Variants in LHFPL2 observed in about 807,000 individuals in gnomAD.
LHFPL2 encodes LHFPL tetraspan subfamily member 2 protein.
In LHFPL2, 7 loss-of-function variants were observed where a neutral mutation model predicts 17.5. The ratio of observed to expected loss-of-function variants is 0.40; its 90% CI spans 0.23 to 0.75. The LOEUF is 0.75. LHFPL2 is among the 30% of genes least tolerant of loss of function. The pLI, the probability that LHFPL2 is intolerant of heterozygous loss-of-function variation, is 0.37. For synonymous variants in LHFPL2, 134 were observed against 116.2 expected (o/e 1.15, Z -0.99); for missense variants, 241 against 294.8 (o/e 0.82, Z 1.34).
intron 2 of LHFPL2, among the ~76,000 whole-genome samples, chr5:78,570,859 T>C: frequency 6.6e-6 from 1 of 152,068 alleles, no homozygotes; most frequent in East Asian, 1.9e-4. Context: ...AGTGAATAAC[T>C]TGGGCTGTAA....
At chr5:78,563,642 A>G (rs1232080814) in intron 3 of LHFPL2, among the ~76,000 whole-genome samples, 2 of 151,212 alleles carry the variant, frequency 1.3e-5, no homozygotes, top group African/African-American at 4.9e-5. Flanking sequence ...TGGAGGTTAC[A>G]GTGAGCTGAG....
At chr5:78,533,356 T>G (rs1755842804) in intron 3 of LHFPL2, among the ~76,000 whole-genome samples, 1 of 152,196 alleles carries the variant, frequency 6.6e-6, no homozygotes. Context: ...GCCAACCATA[T>G]GAACAAAGTG....
intron 3 of LHFPL2, among the ~76,000 whole-genome samples, chr5:78,534,568 C>T (rs956205910): frequency 6.6e-6 from 1 of 152,232 alleles, no homozygotes; most frequent in African/African-American, 2.4e-5. Context: ...TTTCCTGACT[C>T]AAAGCAAAAT....
At chr5:78,639,130 A>G (rs1290944409) in intron 1 of LHFPL2, among the ~76,000 whole-genome samples, 1 of 152,150 alleles carries the variant, frequency 6.6e-6, no homozygotes, top group Non-Finnish European at 1.5e-5. Flanking sequence ...CCACCTGTCC[A>G]CACAGGTGTA....
chr5:78,548,785 C>T (rs1440236663), intron 3 of LHFPL2, among the ~76,000 whole-genome samples: 3 of 152,202 alleles, frequency 2.0e-5, no homozygotes, highest in African/African-American at 7.2e-5. Flanking sequence ...TGCTGTTCCT[C>T]ATGTGCCAAA....
intron 2 of LHFPL2, among the ~76,000 whole-genome samples, chr5:78,629,225 G>C (rs1185535966): frequency 6.6e-6 from 1 of 152,116 alleles, no homozygotes; most frequent in African/African-American, 2.4e-5. Context: ...AACTGAAAGG[G>C]GACATGATAA....
chr5:78,514,670 T>A (rs530949840), intron 3 of LHFPL2, among the ~76,000 whole-genome samples: 84 of 152,238 alleles, frequency 5.5e-4, no homozygotes, highest in Non-Finnish European at 8.2e-4. Flanking sequence ...AAAGTTCACA[T>A]CTACCTGGAA....
rs1422996320 is a variant in LHFPL2 at position 78,510,169 on chromosome 5, C to T, written c.45G>A (p.Leu15=). 1 of 1,610,736 alleles carries T rather than the reference C, an allele frequency of 6.2e-7. No individual in the cohort carries two copies. Among genetic ancestry groups the T allele is most frequent in the African/African-American group, 1.3e-5 (1 of 74,900 alleles). ...CGGCAAAAGCCACCACAATACTCAG[C>T]AAGGTCCAGAGCATCGAGCGACAGG... ...IVTCRSMLWT[L]LSIVVAFAEL... The change falls in exon 4 of 5, where the codon TTG becomes TTA. Residue 15 remains leucine, a synonymous_variant. Transcript: ENST00000380345.
At chr5:78,571,886 T>G (rs1243978193) in intron 2 of LHFPL2, among the ~76,000 whole-genome samples, 1 of 152,240 alleles carries the variant, frequency 6.6e-6, no homozygotes. Context: ...TCCACTAGGA[T>G]GTAAGCTCCC....
intron 2 of LHFPL2, among the ~76,000 whole-genome samples, chr5:78,616,331 G>A (rs1370363149): frequency 1.3e-5 from 2 of 152,056 alleles, no homozygotes; most frequent in Non-Finnish European, 2.9e-5. Context: ...GTTTCACCGT[G>A]TTAGCCAGGA....
intron 3 of LHFPL2, among the ~76,000 whole-genome samples, chr5:78,517,655 G>GACTATC (rs1363848039): frequency 6.6e-6 from 1 of 152,144 alleles, no homozygotes; most frequent in African/African-American, 2.4e-5. Flanking sequence ...CAGATCTCGT[G>GACTATC]AGACTACTGA....
chr5:78,501,889 T>C (rs1754786528), intron 4 of LHFPL2, among the ~76,000 whole-genome samples: 1 of 152,150 alleles, frequency 6.6e-6, no homozygotes, highest in African/African-American at 2.4e-5. Flanking sequence ...AGAGCAGGTA[T>C]CTACATGTTA....
At chr5:78,522,756 T>A (rs778886023) in intron 3 of LHFPL2, among the ~76,000 whole-genome samples, 30 of 152,218 alleles carry the variant, frequency 2.0e-4, no homozygotes, top group Middle Eastern at 3.4e-3. Context: ...AATACACAGA[T>A]ATAATAAAGA....
intron 3 of LHFPL2, among the ~76,000 whole-genome samples, chr5:78,522,281 A>AC (rs1554052830): frequency 6.6e-6 from 1 of 152,030 alleles, no homozygotes; most frequent in Non-Finnish European, 1.5e-5. Context: ...ACTAAAAAAA[A>AC]CAAAAATTTA....
chr5:78,627,323 TA>T (rs1308914828), intron 2 of LHFPL2, among the ~76,000 whole-genome samples: 2 of 152,210 alleles, frequency 1.3e-5, no homozygotes, highest in African/African-American at 4.8e-5. Flanking sequence ...TCAGACACTC[TA>T]AAAGCCCTTT....
intron 3 of LHFPL2, among the ~76,000 whole-genome samples, chr5:78,547,792 C>T (rs969834885): frequency 3.3e-5 from 5 of 152,226 alleles, no homozygotes; most frequent in South Asian, 2.1e-4. Context: ...TGCCGCTCAG[C>T]GGAAGCATGA....
chr5:78,527,363 G>GTTTTTTT (rs35135294), intron 3 of LHFPL2, among the ~76,000 whole-genome samples: 1 of 108,104 alleles, frequency 9.3e-6, no homozygotes, highest in Non-Finnish European at 1.8e-5. Flanking sequence ...CTGATGAGGA[G>GTTTTTTT]TTTTTTTTTT....
intron 1 of LHFPL2, among the ~76,000 whole-genome samples, chr5:78,638,211 C>G (rs1229214243): frequency 6.6e-6 from 1 of 152,018 alleles, no homozygotes; most frequent in Non-Finnish European, 1.5e-5. Context: ...AAAAATTAGC[C>G]AGGCATGGTA....
At chr5:78,535,199 A>AC (rs1470328755) in intron 3 of LHFPL2, among the ~76,000 whole-genome samples, 5 of 152,198 alleles carry the variant, frequency 3.3e-5, no homozygotes, top group Non-Finnish European at 7.3e-5. Context: ...TCGCCAGAGC[A>AC]GGCCATTTGC....
Sources: allele counts gnomAD v4.1 joint callset (sites outside exome capture counted in the v4.1 genomes callset), GRCh38; gene constraint gnomAD v4.1.1; transcripts MANE v1.5; gene names NCBI Gene and HGNC (gene_info 2026-07-23, HGNC 2026-07-21).